SAMD3: variants seen among roughly 807,000 people sequenced by gnomAD.
SAMD3 encodes the protein sterile alpha motif domain containing 3, also known as sterile alpha motif domain-containing protein 3.
In SAMD3, 63 loss-of-function variants were observed where a neutral mutation model predicts 58.5. That is an observed-to-expected ratio of 1.08 (90% CI 0.88 to 1.33). The LOEUF (loss-of-function observed/expected upper bound fraction) is 1.33. SAMD3 is among the 40% of genes most tolerant of loss of function. The pLI is 0.00. For synonymous variants in SAMD3, 220 were observed against 210.3 expected, an observed-to-expected ratio of 1.05 and a Z score of -0.40; for missense variants, 604 against 608.4, an observed-to-expected ratio of 0.99 and a Z score of 0.08.
chr6:130,260,791 G>A (rs1774098013), intron 2 of SAMD3, among the ~76,000 whole-genome samples: 1 of 152,232 alleles, frequency 6.6e-6, no homozygotes, highest in African/African-American at 2.4e-5. Flanking sequence ...CCAGAGCAGT[G>A]TGTGGCAGCC....
At chr6:130,185,618 C>T (rs1447213574) in intron 5 of SAMD3, among the ~76,000 whole-genome samples, 1 of 149,162 alleles carries the variant, frequency 6.7e-6, no homozygotes, top group Non-Finnish European at 1.5e-5. Context: ...TGAGCCACTG[C>T]ATCTGCCCAA....
chr6:130,324,385 T>C (rs1340422225), intron 1 of SAMD3, among the ~76,000 whole-genome samples: 16 of 152,262 alleles, frequency 1.1e-4, no homozygotes, highest in Non-Finnish European at 1.5e-5. Context: ...TGATTGATTT[T>C]GCTGTTAAGA....
chr6:130,251,953 T>A (rs1300211593), intron 2 of SAMD3, among the ~76,000 whole-genome samples: 2 of 152,096 alleles, frequency 1.3e-5, no homozygotes, highest in East Asian at 1.9e-4. Flanking sequence ...GTCCTCTTTT[T>A]TTTTTATTGA....
At chr6:130,351,943 C>T (rs192427253) in intron 1 of SAMD3, among the ~76,000 whole-genome samples, 2,774 of 151,942 alleles carry the variant, frequency 0.018, 22 homozygotes, top group Non-Finnish European at 0.027. Flanking sequence ...AACCATCATT[C>T]TCAGCAAACT....
intron 8 of SAMD3, chr6:130,175,619 C>A: frequency 2.9e-6 from 1 of 350,250 alleles, no homozygotes. Flanking sequence ...GTGAAAAAAA[C>A]TGGACACGAG....
At chr6:130,317,682 G>A (rs1776430577) in intron 1 of SAMD3, among the ~76,000 whole-genome samples, 1 of 152,078 alleles carries the variant, frequency 6.6e-6, no homozygotes, top group Admixed American at 6.5e-5. Flanking sequence ...GGAATGACAG[G>A]GACAGGATTT....
chr6:130,215,540 C>CTACTTTTT lies in SAMD3; in HGVS notation c.-21-254_-21-247dup, dbSNP rs1582956753. On this transcript the variant is annotated intron_variant, in intron 2 of 11. Transcript: ENST00000439090. ...ATTTCTCAAATTTCTTCACCTTCTCCTACTTTTTTTCCACAGGCATCTCTA... is the reference window on the plus strand; with the variant it reads ...ATTTCTCAAATTTCTTCACCTTCTCCTACTTTTTTACTTTTTTTCCACAGGCATCTCTA... 1.2e-5 allele frequency: 16 copies of CTACTTTTT among 1,331,534 alleles called. No individual in the cohort carries two copies. In the East Asian group the frequency reaches 4.5e-4, roughly 37 times the overall value. The allele number at this position is 1,331,534 out of a possible 1,614,324, so 82.5% of individuals were successfully genotyped here.
chr6:130,197,270 C>G (rs574159087), intron 5 of SAMD3, among the ~76,000 whole-genome samples: 3 of 152,318 alleles, frequency 2.0e-5, no homozygotes, highest in Non-Finnish European at 2.9e-5. Flanking sequence ...TCCCTACTAT[C>G]TTCTGTCTAG....
At chr6:130,218,320 C>A (rs763465236) in intron 1 of SAMD3, among the ~76,000 whole-genome samples, 10 of 152,210 alleles carry the variant, frequency 6.6e-5, no homozygotes, top group Admixed American at 5.2e-4. Flanking sequence ...ACCGTGTGAA[C>A]TTCCGTGGCT....
In SAMD3 at chr6:130,175,965, C is replaced by G. The variant is rs774559077; in HGVS notation, c.698G>C (p.Arg233Pro). The change falls in exon 8 of 12, where the codon CGA becomes CCA. Residue 233 changes from arginine (R) to proline (P), a missense_variant. Coordinates refer to ENST00000439090, the MANE Select transcript of SAMD3 (RefSeq NM_001017373.4). ...TTGCTCATCATCTTCTATGGGTCTT[C>G]GAACATATTTAAAGCGATCTTTGAG... ...RALKDRFKYV[R>P]RPIEDDEQVI... 1.2e-6 allele frequency: 2 copies of G among 1,613,462 alleles called. No homozygotes were observed. Among genetic ancestry groups the G allele is most frequent in the Middle Eastern group, 1.7e-4 (1 of 6,058 alleles).
At chr6:130,270,631 C>CA (rs1472526443) in intron 2 of SAMD3, among the ~76,000 whole-genome samples, 1 of 152,154 alleles carries the variant, frequency 6.6e-6, no homozygotes, top group East Asian at 1.9e-4. Flanking sequence ...CTAAACATCA[C>CA]TTTTTCAGAA....
chr6:130,208,961 C>CT (rs1795307281), intron 5 of SAMD3, among the ~76,000 whole-genome samples: 2 of 152,254 alleles, frequency 1.3e-5, no homozygotes, highest in South Asian at 4.1e-4. Context: ...ATGTGGTTCT[C>CT]TAAGTCTACA....
intron 2 of SAMD3, among the ~76,000 whole-genome samples, chr6:130,284,747 G>A (rs1014217377): frequency 3.9e-4 from 60 of 152,134 alleles, no homozygotes; most frequent in African/African-American, 1.3e-3. Context: ...GAATGCACTC[G>A]GAGAGGGATA....
intron 2 of SAMD3, among the ~76,000 whole-genome samples, chr6:130,272,742 C>A (rs1213213438): frequency 1.3e-5 from 2 of 152,146 alleles, no homozygotes; most frequent in Admixed American, 6.5e-5. Flanking sequence ...TGAAGTCTTG[C>A]TATGTTGCCC....
At chr6:130,143,781 A>C (rs1788390214), downstream of SAMD3, 1 of 152,266 alleles carries the variant, frequency 6.6e-6, no homozygotes, top group Non-Finnish European at 1.5e-5. Context: ...GGGAGAGTGC[A>C]CTGAGTCTTG....
chr6:130,307,698 G>T (rs1346004288), intron 2 of SAMD3, among the ~76,000 whole-genome samples: 25 of 152,158 alleles, frequency 1.6e-4, no homozygotes, highest in Admixed American at 1.6e-3. Context: ...GGTTGCTAAT[G>T]GTTATGTCCA....
intron 2 of SAMD3, among the ~76,000 whole-genome samples, chr6:130,291,177 G>T (rs556870658): frequency 3.0e-4 from 46 of 152,260 alleles, no homozygotes; most frequent in Non-Finnish European, 6.3e-4. Flanking sequence ...TGGAACCTCT[G>T]CTTCCTGAGT....
intron 8 of SAMD3, among the ~76,000 whole-genome samples, chr6:130,155,391 G>T (rs1562374659): frequency 6.6e-6 from 1 of 151,986 alleles, no homozygotes; most frequent in Admixed American, 6.5e-5. Flanking sequence ...AAGTATTAAG[G>T]TTTTGTTATT....
intron 2 of SAMD3, among the ~76,000 whole-genome samples, chr6:130,292,658 G>A (rs915902556): frequency 1.1e-4 from 16 of 146,432 alleles, no homozygotes; most frequent in Middle Eastern, 4.1e-3. Flanking sequence ...TCGCTCTGTC[G>A]CCCAGGCTGG....
Sources: allele counts gnomAD v4.1 joint callset (sites outside exome capture counted in the v4.1 genomes callset), GRCh38; gene constraint gnomAD v4.1.1; transcripts MANE v1.5; gene names NCBI Gene and HGNC (gene_info 2026-07-23, HGNC 2026-07-21).